PDE6C: variants seen among roughly 807,000 people sequenced by gnomAD.
PDE6C encodes cone cGMP-specific 3',5'-cyclic phosphodiesterase subunit alpha'.
Under a neutral mutation model 113.1 loss-of-function variants are expected in PDE6C, and 75 were observed. The observed-to-expected ratio is 0.66, with a 90% CI of 0.55 to 0.80. PDE6C has a LOEUF of 0.80. Among genes scored for constraint, PDE6C ranks in the 30% least tolerant of loss-of-function variants. The probability of loss-of-function intolerance (pLI) is 0.00; values close to 1 mark genes in which losing one functional copy is unlikely to be tolerated. For missense variants in PDE6C, 912 were observed against 1,038.6 expected, an observed-to-expected ratio of 0.88 and a Z score of 1.67; for synonymous variants, 375 against 363.7, an observed-to-expected ratio of 1.03 and a Z score of -0.35.
At chr10:93,620,838 T>A (rs878873376) in intron 2 of PDE6C, 53 bp from the exon 3 acceptor site, 3 of 1,612,844 alleles carry the variant, frequency 1.9e-6, no homozygotes, top group Non-Finnish European at 2.5e-6. Context: ...ATTTGTTGTA[T>A]AACCAAAGAA....
chr10:93,640,376 T>C, intron 12 of PDE6C, 74 bp from the exon 13 acceptor site: 7 of 1,298,824 alleles, frequency 5.4e-6, no homozygotes, highest in Middle Eastern at 1.9e-4. Context: ...CACATCTTTT[T>C]AGATAAGATT....
intron 21 of PDE6C, among the ~76,000 whole-genome samples, chr10:93,665,079 G>A (rs2058684086): frequency 6.6e-6 from 1 of 152,034 alleles, no homozygotes; most frequent in Admixed American, 6.6e-5. Context: ...ATATTGACCA[G>A]GCTGGTCTTG....
At chr10:93,642,418 G>A (rs2058564324) in intron 14 of PDE6C, among the ~76,000 whole-genome samples, 1 of 152,262 alleles carries the variant, frequency 6.6e-6, no homozygotes, top group South Asian at 2.1e-4. Flanking sequence ...TATTATTGTT[G>A]TGATGTCATT....
At chr10:93,649,214 A>G (rs4282926) in intron 15 of PDE6C, among the ~76,000 whole-genome samples, 70,538 of 152,062 alleles carry the variant, frequency 0.46, 17,334 homozygotes, top group Non-Finnish European at 0.54. Context: ...CCGTGGCCAG[A>G]GGCTGGGAAG....
At position 93,613,097 on chromosome 10, in the gene PDE6C, G is replaced by T. The variant is rs147367341; in HGVS notation, c.372G>T (p.Glu124Asp). The T allele has an allele frequency of 1.6e-4, 258 of 1,614,202 alleles. No homozygotes were observed. The highest frequency in any genetic ancestry group is 2.1e-4 in the Non-Finnish European group (247 of 1,180,030). ...ATGTCACCCCCACCTCCAAGTTTGAGGACAACCTGGTGGGCCCTGACAAAG... is the reference window on the plus strand; with the variant it reads ...ATGTCACCCCCACCTCCAAGTTTGATGACAACCTGGTGGGCCCTGACAAAG... ...LLDVTPTSKFEDNLVGPDKEV... is the reference protein window; with the variant it reads ...LLDVTPTSKFDDNLVGPDKEV... Residue 124 changes from glutamate (E) to aspartate (D), a missense_variant, in exon 1 of 22, where the codon GAG becomes GAT. Coordinates refer to ENST00000371447, the MANE Select transcript of PDE6C (RefSeq NM_006204.4).
chr10:93,641,680 A>G (rs1196098233), intron 14 of PDE6C, among the ~76,000 whole-genome samples: 1 of 152,184 alleles, frequency 6.6e-6, no homozygotes, highest in Non-Finnish European at 1.5e-5. Flanking sequence ...TACATAAGGT[A>G]CATGAATGTT....
intron 7 of PDE6C, among the ~76,000 whole-genome samples, chr10:93,627,379 T>C (rs954546331): frequency 6.7e-6 from 1 of 148,192 alleles, no homozygotes; most frequent in Admixed American, 6.8e-5. Context: ...TACACAGAAA[T>C]ATTTAGTCAG....
chr10:93,629,469 T>C (rs2058489422), intron 8 of PDE6C, among the ~76,000 whole-genome samples, 164 bp downstream of exon 8: 1 of 152,116 alleles, frequency 6.6e-6, no homozygotes, highest in Non-Finnish European at 1.5e-5. Context: ...AGTAGCAGAT[T>C]CTTCAGTGAA....
chr10:93,665,478 A>G lies in PDE6C; in HGVS notation c.*60A>G. 9.0e-7 allele frequency: 1 copy of G among 1,114,472 alleles called. No individual in the cohort carries two copies. Among genetic ancestry groups the G allele is most frequent in the Non-Finnish European group, 1.4e-6 (1 of 726,490 alleles). The allele number at this position is 1,114,472 out of a possible 1,614,324, so 69.0% of individuals were successfully genotyped here. On this transcript the variant is annotated 3_prime_UTR_variant, in exon 22 of 22. Coordinates refer to ENST00000371447, the MANE Select transcript of PDE6C (RefSeq NM_006204.4). ...TTACCTTTGAAGAAAACCAGAAAAC[A>G]TTCAAAAGAACTTCAACAAATCATC...
rs1286790904 is a variant in PDE6C, at chr10:93,655,831, A to G, written c.2007A>G (p.Ile669Met). 2 of 1,598,338 alleles carry G rather than the reference A, an allele frequency of 1.3e-6. No individual in the cohort carries two copies. Among genetic ancestry groups the G allele is most frequent in the Non-Finnish European group, 1.7e-6 (2 of 1,165,536 alleles). ...TTATTCATTTGTTCGAGGTCGCAAT[A>G]ATAGCAACTGACCTGGCTTTATATT... Reference protein sequence around the residue: ...ETVIHLFEVAIIATDLALYFK... With the variant: ...ETVIHLFEVAMIATDLALYFK... The change falls in exon 16 of 22, where the codon ATA (isoleucine) becomes ATG (methionine). Residue 669 changes from isoleucine to methionine, a missense_variant. Coordinates refer to ENST00000371447, the MANE Select transcript of PDE6C (RefSeq NM_006204.4).
intron 1 of PDE6C, among the ~76,000 whole-genome samples, chr10:93,614,520 T>C (rs1180386060): frequency 1.3e-5 from 2 of 152,210 alleles, no homozygotes; most frequent in Non-Finnish European, 2.9e-5. Context: ...GACAACCAAC[T>C]GGAAGGCAAT....
intron 8 of PDE6C, 87 bp from the exon 9 acceptor site, chr10:93,634,671 A>G (rs1183784704): frequency 1.4e-6 from 2 of 1,388,410 alleles, no homozygotes; most frequent in Middle Eastern, 1.9e-4. Flanking sequence ...ATCTCTCTGT[A>G]CATTTCTTTT....
Position 93,640,972 on chromosome 10 carries a change from C to T in PDE6C, c.1790C>T (p.Ala597Val), listed in dbSNP as rs765614927. 1.9e-5 allele frequency: 31 copies of T among 1,613,190 alleles called. No homozygotes were observed. The highest frequency in any genetic ancestry group is 2.4e-5 in the Non-Finnish European group (28 of 1,179,242). ...GATCTCGAAGCCTTTGCCATGCTTGCTGCTGCTTTCTGCCATGATATTGAC... is the reference window on the plus strand; with the variant it reads ...GATCTCGAAGCCTTTGCCATGCTTGTTGCTGCTTTCTGCCATGATATTGAC... ...YTDLEAFAML[A>V]AAFCHDIDHR... The change falls in exon 14 of 22, where the codon GCT (alanine) becomes GTT (valine). Residue 597 changes from alanine to valine, a missense_variant. By Grantham distance (64) the Ala-to-Val change is moderately conservative. Transcript: ENST00000371447.
At chr10:93,625,245 C>T (rs1268570594) in intron 4 of PDE6C, among the ~76,000 whole-genome samples, 4 of 152,146 alleles carry the variant, frequency 2.6e-5, no homozygotes, top group Admixed American at 6.5e-5. Context: ...CCAGATTTAG[C>T]TTAATTGTCT....
chr10:93,654,813 T>TC (rs66493161), intron 15 of PDE6C, among the ~76,000 whole-genome samples: 26 of 137,126 alleles, frequency 1.9e-4, no homozygotes, highest in South Asian at 4.7e-4. Context: ...TTTCTTTCTT[T>TC]TTTTTTTTTT....
At chr10:93,621,720 A>G (rs1245491129) in intron 3 of PDE6C, among the ~76,000 whole-genome samples, 1 of 152,222 alleles carries the variant, frequency 6.6e-6, no homozygotes, top group Non-Finnish European at 1.5e-5. Context: ...CTCTCTCTCC[A>G]TAGACCCGCA....
At chr10:93,613,246 G>T (rs767534222) in intron 1 of PDE6C, 41 bp downstream of exon 1, 92 of 1,612,400 alleles carry the variant, frequency 5.7e-5, no homozygotes, top group Non-Finnish European at 7.6e-5. Context: ...TCTTGGCAGG[G>T]TCAGGGAGGA....
intron 16 of PDE6C, among the ~76,000 whole-genome samples, chr10:93,658,169 C>CA (rs71031527): frequency 0.32 from 19,173 of 59,578 alleles, 4,270 homozygotes; most frequent in Non-Finnish European, 0.39. Flanking sequence ...GATTCTGTCT[C>CA]AAAAAAAAAA....
At chr10:93,625,409 A>G (rs2058468622) in intron 4 of PDE6C, among the ~76,000 whole-genome samples, 166 bp from the exon 5 acceptor site, 1 of 152,252 alleles carries the variant, frequency 6.6e-6, no homozygotes, top group Admixed American at 6.5e-5. Flanking sequence ...ACATGTTAAC[A>G]GTCAAAAATT....
Sources: gnomAD v4.1 joint callset for allele counts (sites outside exome capture counted in the v4.1 genomes callset) on GRCh38, gnomAD v4.1.1 for gene constraint, MANE v1.5 for transcripts, NCBI Gene and HGNC (gene_info 2026-07-23, HGNC 2026-07-21) for gene names.